The following ABCG5 variants were observed in gnomAD, a reference collection of about 807,000 sequenced individuals.
The protein encoded by ABCG5 is ATP-binding cassette sub-family G member 5.
A neutral mutation model predicts 64.5 loss-of-function variants in ABCG5; 64 were observed. The ratio of observed to expected loss-of-function variants is 0.99; its 90% confidence interval spans 0.81 to 1.22. ABCG5 has a LOEUF of 1.22. Ranked by LOEUF, ABCG5 falls within the 50% of genes most tolerant of loss-of-function variation. The probability of loss-of-function intolerance (pLI) is 0.00; values close to 1 mark genes in which losing one functional copy is unlikely to be tolerated. For missense variants in ABCG5, 908 were observed against 829.5 expected (o/e 1.09, Z -1.16); for synonymous variants, 385 against 326.3 (o/e 1.18, Z -1.94).
chr2:43,807,743 CAAAAAAAAAAAAAAAAA>C (rs536977133), downstream of ABCG5, among the ~76,000 whole-genome samples: 21 of 41,636 alleles, frequency 5.0e-4, 1 homozygote, highest in South Asian at 0.029. Context: ...TTTGTTAAAG[CAAAAAAAAAAAAAAAAA>C]AAAAAAAAAA....
At chr2:43,816,081 C>A (rs1270873201) in intron 11 of ABCG5, among the ~76,000 whole-genome samples, 6 of 152,220 alleles carry the variant, frequency 3.9e-5, no homozygotes, top group African/African-American at 1.4e-4. Context: ...CAGAGTCAAA[C>A]ACAAAATGTT....
rs74424483 is a variant in ABCG5, at chr2:43,814,755, T to G, written c.1650-166A>C. On this transcript the variant is annotated intron_variant, in intron 11 of 12. Coordinates refer to ENST00000405322, the MANE Select transcript of ABCG5 (RefSeq NM_022436.3). ...AAAACCTTCAAACAACATTGAACAA[T>G]ATAAAGAAATACCGTTGCCTAGAAA... is the stretch of plus-strand genomic sequence containing the variant. Among the ~76,000 whole-genome samples, 3,386 of 152,284 alleles carry G rather than the reference T, an allele frequency of 0.022. 86 individuals are homozygous for G. Among genetic ancestry groups the G allele is most frequent in the African/African-American group, 0.064 (2,655 of 41,568 alleles).
Position 43,831,829 on chromosome 2 carries a change from C to G in ABCG5, c.441G>C (p.Thr147=), listed in dbSNP as rs1667963224. The change falls in exon 4 of 13, where the codon ACG becomes ACC. Residue 147 remains threonine, a synonymous_variant. Coordinates refer to ENST00000405322, the MANE Select transcript of ABCG5 (RefSeq NM_022436.3). ...TGGCCAGCAGCGCGGTGTAGTGCAG[C>G]GTCTCGCGCACGGTGAGGCTGCTCA... is the stretch of plus-strand genomic sequence containing the variant. ...TLLSSLTVRE[T]LHYTALLAIR... The G allele has an allele frequency of 1.9e-6, 3 of 1,585,380 alleles. No individual in the cohort carries two copies. The highest frequency in any genetic ancestry group is 1.7e-6 in the Non-Finnish European group (2 of 1,168,354).
In ABCG5 at chr2:43,816,482, C is replaced by T. The variant is rs112882035; in HGVS notation, c.1650-1893G>A. 5.5e-3 allele frequency among the ~76,000 whole-genome samples: 832 copies of T among 152,268 alleles called. 9 individuals are homozygous for T. The highest frequency in any genetic ancestry group is 0.019 in the African/African-American group (775 of 41,566). Reference sequence around the variant, plus strand: ...AAGGCACAGACAGAAGGAGAAGCAGCGGGAGGAACCATAGATCTGGATGTA... The same window carrying T: ...AAGGCACAGACAGAAGGAGAAGCAGTGGGAGGAACCATAGATCTGGATGTA... On this transcript the variant is annotated intron_variant, in intron 11 of 12. Coordinates refer to ENST00000405322, the MANE Select transcript of ABCG5 (RefSeq NM_022436.3).
chr2:43,837,213 G>A (rs973007238), intron 2 of ABCG5, among the ~76,000 whole-genome samples: 3 of 150,442 alleles, frequency 2.0e-5, no homozygotes, highest in East Asian at 2.0e-4. Context: ...TTAATCTCCT[G>A]GGCTCAAGCA....
rs765692609 is a variant in ABCG5, at chr2:43,822,789, C to A, written c.1463+8G>T. 6.2e-7 allele frequency: 1 copy of A among 1,614,132 alleles called. No homozygotes were observed. The highest frequency in any genetic ancestry group is 1.7e-5 in the Admixed American group (1 of 60,010). On this transcript the variant is annotated splice_region_variant and intron_variant, in intron 10 of 12. Transcript: ENST00000405322. ...GCCCGGCCCTGGGTGAACTGAACAA[C>A]CCCTCACCAGTAGCACACACTGCTG... is the stretch of plus-strand genomic sequence containing the variant.
At position 43,813,037 on chromosome 2, in the gene ABCG5, T is replaced by C. The variant is rs911993766; in HGVS notation, c.*79A>G. 6.7e-6 allele frequency: 5 copies of C among 747,890 alleles called. No individual in the cohort carries two copies. The highest frequency in any genetic ancestry group is 5.6e-5 in the Admixed American group (3 of 53,498). The allele number at this position is 747,890 out of a possible 1,614,324, so 46.3% of individuals were successfully genotyped here. ...GATGTCCTGTCAAGAAAGAAATACATGGCACTCTCATTTCAGACGTTCAGA... is the reference window on the plus strand; with the variant it reads ...GATGTCCTGTCAAGAAAGAAATACACGGCACTCTCATTTCAGACGTTCAGA... On this transcript the variant is annotated 3_prime_UTR_variant, in exon 13 of 13. Transcript: ENST00000405322.
intron 10 of ABCG5, among the ~76,000 whole-genome samples, chr2:43,820,330 C>T (rs1667107797): frequency 6.6e-6 from 1 of 152,196 alleles, no homozygotes; most frequent in African/African-American, 2.4e-5. Flanking sequence ...TTTTCCCTTT[C>T]ACGGCTCCTT....
chr2:43,813,063 G>C lies in ABCG5; in HGVS notation c.*53C>G. 1.3e-6 allele frequency: 1 copy of C among 791,384 alleles called. No individual in the cohort carries two copies. Among genetic ancestry groups the C allele is most frequent in the Non-Finnish European group, 2.3e-6 (1 of 432,198 alleles). 49.0% of individuals were successfully genotyped at this position (791,384 alleles called of 1,614,324 possible). The stretch of plus-strand genomic sequence containing the variant: ...GGCACTCTCATTTCAGACGTTCAGA[G>C]CAGTCATGCACAGTCGGCAGCTTCA... On this transcript the variant is annotated 3_prime_UTR_variant, in exon 13 of 13. Transcript: ENST00000405322.
At chr2:43,820,890 G>A (rs1277187514) in intron 10 of ABCG5, among the ~76,000 whole-genome samples, 1 of 152,172 alleles carries the variant, frequency 6.6e-6, no homozygotes, top group Non-Finnish European at 1.5e-5. Context: ...CTGGCCTCAA[G>A]TGATCTGCCC....
At chr2:43,807,398 C>T in the ABCG5 span, among the ~76,000 whole-genome samples, 4 of 152,070 alleles carry the variant, frequency 2.6e-5, no homozygotes, top group Non-Finnish European at 4.4e-5. Flanking sequence ...TAAGGGAATG[C>T]GAATGTGGAA....
chr2:43,820,183 CT>C (rs976317139), intron 10 of ABCG5, 83 bp from the exon 11 acceptor site: 4 of 1,505,672 alleles, frequency 2.7e-6, no homozygotes, highest in Non-Finnish European at 3.6e-6. Context: ...TGAATAAATC[CT>C]TTGTGGTGAG....
At chr2:43,827,919 A>G in intron 5 of ABCG5, 64 bp downstream of exon 5, 1 of 1,606,934 alleles carries the variant, frequency 6.2e-7, no homozygotes, top group Non-Finnish European at 8.5e-7. Context: ...AAGGGCCCAA[A>G]GTATCTGCAC....
chr2:43,837,496 A>C (rs770810126), intron 2 of ABCG5, among the ~76,000 whole-genome samples: 3 of 152,158 alleles, frequency 2.0e-5, no homozygotes, highest in Admixed American at 6.6e-5. Context: ...ATAGGGGCTT[A>C]ATGGGCATTT....
Position 43,825,292 on chromosome 2 carries a change from C to A in ABCG5, c.775-274G>T, listed in dbSNP as rs139108023. Among the ~76,000 whole-genome samples the A allele has an allele frequency of 6.1e-4, 93 of 152,314 alleles. No individual in the cohort carries two copies. The East Asian group carries it at 0.017, about 28-fold the overall frequency. The stretch of plus-strand genomic sequence containing the variant: ...CCCATCCTGACGCCCAGCTTCATAT[C>A]TGGGATAGACAAGCATGACTGGACC... On this transcript the variant is annotated intron_variant, in intron 6 of 12. Coordinates refer to ENST00000405322, the MANE Select transcript of ABCG5 (RefSeq NM_022436.3).
chr2:43,832,119 C>A, intron 2 of ABCG5, 36 bp from the exon 3 acceptor site: 1 of 1,561,156 alleles, frequency 6.4e-7, no homozygotes, highest in Non-Finnish European at 8.7e-7. Context: ...AGAGGAACCA[C>A]TCTGTGCCGG....
At chr2:43,831,463 C>T (rs1667942001) in intron 4 of ABCG5, among the ~76,000 whole-genome samples, 1 of 152,188 alleles carries the variant, frequency 6.6e-6, no homozygotes, top group Non-Finnish European at 1.5e-5. Flanking sequence ...ATGAGCCACC[C>T]TGCCCGACCT....
In ABCG5 at chr2:43,838,032, C is replaced by G; in HGVS notation, c.144-77G>C. 2 of 1,594,862 alleles carry G rather than the reference C, an allele frequency of 1.3e-6. No homozygotes were observed. The highest frequency in any genetic ancestry group is 2.2e-5 in the East Asian group (1 of 44,532). ...CCACACCCAGGTCCCCAGCATTGAT[C>G]CTACCTGTGCCCCACCCCAGTAGTC... On this transcript the variant is annotated intron_variant, in intron 1 of 12. Transcript: ENST00000405322. This position sits in a 1 kb window ranked among gnomAD's most constrained non-coding sequence, Gnocchi z 4.2.
chr2:43,818,560 G>A (rs886164523), intron 11 of ABCG5, among the ~76,000 whole-genome samples: 2 of 152,176 alleles, frequency 1.3e-5, no homozygotes, highest in Non-Finnish European at 2.9e-5. Flanking sequence ...CTGAAACAAT[G>A]ATTCAAATAA....
Sources: gnomAD v4.1 joint callset for allele counts (sites outside exome capture counted in the v4.1 genomes callset) on GRCh38, gnomAD v4.1.1 for gene constraint, Gnocchi (gnomAD v3.1) non-coding constraint, MANE v1.5 for transcripts, NCBI Gene and HGNC (gene_info 2026-07-23, HGNC 2026-07-21) for gene names.